Variants in FAR2 observed in about 807,000 individuals in gnomAD.
The protein encoded by FAR2 is epididymis secretory protein Li 81.
A neutral mutation model predicts 56.0 loss-of-function variants in FAR2; 19 were observed. The ratio of observed to expected loss-of-function variants is 0.34; its 90% CI spans 0.24 to 0.50. The LOEUF is 0.50. FAR2 is among the 20% of genes least tolerant of loss of function. FAR2 has a pLI of 0.98. For synonymous variants in FAR2, 219 were observed against 218.8 expected (o/e 1.00, Z -0.01); for missense variants, 508 against 642.2 (o/e 0.79, Z 2.26).
At chr12:29,192,752 A>G (rs1950112899) in intron 1 of FAR2, among the ~76,000 whole-genome samples, 1 of 152,198 alleles carries the variant, frequency 6.6e-6, no homozygotes, top group South Asian at 2.1e-4. Context: ...ACCAACATCA[A>G]CTAATTTGTC....
intron 1 of FAR2, among the ~76,000 whole-genome samples, chr12:29,258,758 A>G (rs1342324471): frequency 6.6e-6 from 1 of 152,222 alleles, no homozygotes; most frequent in African/African-American, 2.4e-5. Context: ...AGCTGACCCT[A>G]TGCTGGCTCA....
At chr12:29,332,090 TTAAATA>T (rs1198584970) in intron 10 of FAR2, among the ~76,000 whole-genome samples, 1 of 152,118 alleles carries the variant, frequency 6.6e-6, no homozygotes, top group African/African-American at 2.4e-5. Context: ...CACTCTCTTC[TTAAATA>T]TAAATTCTGG....
chr12:29,201,788 A>G (rs1947416203), intron 1 of FAR2, among the ~76,000 whole-genome samples: 1 of 152,240 alleles, frequency 6.6e-6, no homozygotes, highest in South Asian at 2.1e-4. Context: ...TTAAAATTAA[A>G]TAAAAATAAA....
chr12:29,205,361 A>C (rs1908690), intron 1 of FAR2, among the ~76,000 whole-genome samples: 3 of 152,076 alleles, frequency 2.0e-5, no homozygotes, highest in African/African-American at 7.3e-5. Flanking sequence ...GATAATTTCC[A>C]GTGTTCTTGA....
intron 1 of FAR2, among the ~76,000 whole-genome samples, chr12:29,253,285 CTA>C (rs1565489438): frequency 1.3e-5 from 1 of 77,146 alleles, no homozygotes; most frequent in African/African-American, 6.0e-5. Flanking sequence ...ATATCGATAT[CTA>C]TATCTATCTA....
At chr12:29,219,061 G>A (rs1947655830) in intron 1 of FAR2, among the ~76,000 whole-genome samples, 1 of 151,950 alleles carries the variant, frequency 6.6e-6, no homozygotes, top group African/African-American at 2.4e-5. Context: ...GTTAATTTTT[G>A]CATTTTTGGT....
chr12:29,181,103 A>C (rs1173004561), intron 1 of FAR2, among the ~76,000 whole-genome samples: 1 of 152,154 alleles, frequency 6.6e-6, no homozygotes, highest in Non-Finnish European at 1.5e-5. Flanking sequence ...TTGACTCAAT[A>C]ACCAGTGTTT....
At chr12:29,207,245 C>T (rs1947486751) in intron 1 of FAR2, among the ~76,000 whole-genome samples, 2 of 152,176 alleles carry the variant, frequency 1.3e-5, no homozygotes, top group Non-Finnish European at 2.9e-5. Flanking sequence ...TATTTCCTCA[C>T]TTCCCACTCT....
At chr12:29,210,390 A>G (rs1947530974) in intron 1 of FAR2, among the ~76,000 whole-genome samples, 2 of 152,186 alleles carry the variant, frequency 1.3e-5, no homozygotes, top group Non-Finnish European at 2.9e-5. Flanking sequence ...TTCAAGACTG[A>G]TTTCCAAGCC....
At chr12:29,270,334 C>A in intron 1 of FAR2, 78 bp from the exon 2 acceptor site, 1 of 1,139,096 alleles carries the variant, frequency 8.8e-7, no homozygotes, top group Non-Finnish European at 1.2e-6. Flanking sequence ...CTCTTGGAAG[C>A]AACAGAAACA....
rs374202659 is a variant in FAR2, at chr12:29,161,707, G to A, written c.-39+12300G>A. On this transcript the variant is annotated intron_variant, in intron 1 of 11. Coordinates refer to ENST00000536681, the MANE Select transcript of FAR2 (RefSeq NM_001271783.2). The stretch of plus-strand genomic sequence containing the variant: ...AGAGCTTTAATAAATCTGCCAAAGC[G>A]TTTTCCAAAGTGATCGTTCAAGTAA... 3.6e-4 allele frequency among the ~76,000 whole-genome samples: 55 copies of A among 152,334 alleles called. No homozygotes were observed. The South Asian group carries it at 6.0e-3, about 17-fold the overall frequency.
intron 1 of FAR2, among the ~76,000 whole-genome samples, chr12:29,200,134 A>G (rs1163373649): frequency 1.3e-5 from 2 of 152,182 alleles, no homozygotes; most frequent in East Asian, 1.9e-4. Flanking sequence ...TAAGGACCAA[A>G]CTGGGGGACT....
At chr12:29,265,758 C>T (rs1411446812) in intron 1 of FAR2, among the ~76,000 whole-genome samples, 1 of 152,096 alleles carries the variant, frequency 6.6e-6, no homozygotes, top group Non-Finnish European at 1.5e-5. Context: ...TATTTGTAAA[C>T]TATCCATCTG....
intron 8 of FAR2, 82 bp downstream of exon 8, chr12:29,312,032 G>C: frequency 1.0e-6 from 1 of 973,790 alleles, no homozygotes; most frequent in South Asian, 1.5e-5. Context: ...ATGGAGCTTA[G>C]AGCTTATATG....
chr12:29,333,264 A>C (rs960095983), intron 11 of FAR2: 2 of 240,982 alleles, frequency 8.3e-6, no homozygotes, highest in Non-Finnish European at 1.6e-5. Context: ...CAAAACAGGA[A>C]GGAGGAACCT....
intron 1 of FAR2, among the ~76,000 whole-genome samples, chr12:29,264,504 T>C (rs766380555): frequency 5.3e-5 from 8 of 151,898 alleles, no homozygotes; most frequent in Non-Finnish European, 8.8e-5. Context: ...GCCAGGTGCA[T>C]TGGCTCTTGC....
rs186589210 is a variant in FAR2, at chr12:29,219,263, C to T, written c.-38-51149C>T. 2.6e-4 allele frequency among the ~76,000 whole-genome samples: 40 copies of T among 152,218 alleles called. No homozygotes were observed. The East Asian group carries it at 7.7e-3, about 29-fold the overall frequency. On this transcript the variant is annotated intron_variant, in intron 1 of 11. Coordinates refer to ENST00000536681, the MANE Select transcript of FAR2 (RefSeq NM_001271783.2). ...AGGATTTATTTATATGAGGATCAAA[C>T]AGCCTGGCCCATAGTAAACACTAAA...
intron 2 of FAR2, among the ~76,000 whole-genome samples, chr12:29,276,778 T>C (rs954843640): frequency 3.9e-5 from 6 of 151,910 alleles, no homozygotes; most frequent in African/African-American, 1.4e-4. Flanking sequence ...GATAAAATTG[T>C]ATTTTTTTAT....
intron 8 of FAR2, among the ~76,000 whole-genome samples, chr12:29,315,592 TG>T (rs1320761365): frequency 6.6e-6 from 1 of 152,102 alleles, no homozygotes; most frequent in African/African-American, 2.4e-5. Flanking sequence ...GCTACAGTAG[TG>T]GTTTGGATCA....
Sources: allele counts gnomAD v4.1 joint callset (sites outside exome capture counted in the v4.1 genomes callset), GRCh38; gene constraint gnomAD v4.1.1; transcripts MANE v1.5; gene names NCBI Gene and HGNC (gene_info 2026-07-23, HGNC 2026-07-21).